The following PID1 variants were observed in gnomAD, a reference collection of about 807,000 sequenced individuals.
PID1 encodes the protein phosphotyrosine interaction domain containing 1.
Under a neutral mutation model 19.1 loss-of-function variants are expected in PID1, and 10 were observed. The ratio of observed to expected loss-of-function variants is 0.52; its 90% confidence interval spans 0.32 to 0.89. PID1 has a LOEUF of 0.89. Among genes scored for constraint, PID1 ranks in the 40% least tolerant of loss-of-function variants. PID1 has a pLI of 0.03. For synonymous variants in PID1, 130 were observed against 116.0 expected (o/e 1.12, Z -0.78); for missense variants, 248 against 285.3 (o/e 0.87, Z 0.94).
chr2:229,121,325 G>T (rs538684573), intron 2 of PID1, among the ~76,000 whole-genome samples: 47 of 152,104 alleles, frequency 3.1e-4, no homozygotes, highest in Admixed American at 1.2e-3. Flanking sequence ...TTATAATTAT[G>T]ATATAATCCT....
At chr2:229,202,426 C>T (rs1691517633) in intron 1 of PID1, among the ~76,000 whole-genome samples, 1 of 151,938 alleles carries the variant, frequency 6.6e-6, no homozygotes, top group Admixed American at 6.6e-5. Context: ...CATGTCTGAC[C>T]TGAGTTATCA....
chr2:229,185,594 A>T (rs145150937), intron 1 of PID1, among the ~76,000 whole-genome samples: 7 of 152,316 alleles, frequency 4.6e-5, no homozygotes, highest in African/African-American at 1.4e-4. Context: ...GCAGGCATTC[A>T]TGTAAAGAGA....
At chr2:229,033,557 C>A (rs551172386) in intron 2 of PID1, among the ~76,000 whole-genome samples, 3 of 152,134 alleles carry the variant, frequency 2.0e-5, no homozygotes, top group African/African-American at 4.8e-5. Context: ...GGAGGGAGAG[C>A]ATTAGGAGAA....
chr2:229,154,538 C>T (rs575216338), intron 2 of PID1, among the ~76,000 whole-genome samples: 1 of 152,254 alleles, frequency 6.6e-6, no homozygotes, highest in Middle Eastern at 3.4e-3. Context: ...GACACTATGC[C>T]GGTCAGACAG....
chr2:229,045,787 A>G (rs1319700982), intron 2 of PID1, among the ~76,000 whole-genome samples: 2 of 152,216 alleles, frequency 1.3e-5, no homozygotes, highest in African/African-American at 2.4e-5. Flanking sequence ...CCTGCCCAGC[A>G]CACTGTCACG....
intron 2 of PID1, among the ~76,000 whole-genome samples, chr2:229,081,730 A>C (rs1357962548): frequency 1.3e-5 from 2 of 152,234 alleles, no homozygotes; most frequent in African/African-American, 4.8e-5. Flanking sequence ...CATCAAGGGA[A>C]GCCAAGGAGT....
intron 2 of PID1, among the ~76,000 whole-genome samples, chr2:229,034,714 G>C (rs539931448): frequency 6.6e-6 from 1 of 151,856 alleles, no homozygotes; most frequent in South Asian, 2.1e-4. Flanking sequence ...ACTTCAAAAG[G>C]GCCAAGGAAA....
intron 1 of PID1, among the ~76,000 whole-genome samples, chr2:229,200,497 T>G (rs1459585543): frequency 6.6e-6 from 1 of 152,018 alleles, no homozygotes; most frequent in Non-Finnish European, 1.5e-5. Flanking sequence ...AATCTCCATG[T>G]ATCATATATC....
At chr2:229,255,809 T>A (rs1228097176) in intron 1 of PID1, among the ~76,000 whole-genome samples, 1 of 152,100 alleles carries the variant, frequency 6.6e-6, no homozygotes, top group Non-Finnish European at 1.5e-5. Flanking sequence ...GCCCCAACAC[T>A]TCTAGTTTCT....
chr2:229,242,343 G>A (rs1241926732), intron 1 of PID1, among the ~76,000 whole-genome samples: 2 of 152,138 alleles, frequency 1.3e-5, no homozygotes, highest in Non-Finnish European at 2.9e-5. Context: ...AATAAGAACT[G>A]CATGTCCACA....
chr2:229,181,543 C>G (rs1313255814), intron 1 of PID1, among the ~76,000 whole-genome samples: 1 of 152,178 alleles, frequency 6.6e-6, no homozygotes, highest in East Asian at 1.9e-4. Context: ...ATACATAATA[C>G]AAGATGACAG....
At chr2:229,151,823 G>A (rs915506865) in intron 2 of PID1, among the ~76,000 whole-genome samples, 1 of 152,124 alleles carries the variant, frequency 6.6e-6, no homozygotes, top group Non-Finnish European at 1.5e-5. Flanking sequence ...GCCCGCCTCG[G>A]CCTCCCAAAG....
At chr2:229,151,829 C>T (rs1690261947) in intron 2 of PID1, among the ~76,000 whole-genome samples, 4 of 152,180 alleles carry the variant, frequency 2.6e-5, no homozygotes, top group Admixed American at 2.6e-4. Flanking sequence ...CTCGGCCTCC[C>T]AAAGTGCTGG....
At chr2:229,163,540 T>A (rs377463029) in intron 1 of PID1, among the ~76,000 whole-genome samples, 1 of 151,838 alleles carries the variant, frequency 6.6e-6, no homozygotes, top group Admixed American at 6.6e-5. Context: ...CAAGTGATTA[T>A]GTGGGAGAGG....
At chr2:229,250,489 T>A (rs561383981) in intron 1 of PID1, among the ~76,000 whole-genome samples, 30 of 152,352 alleles carry the variant, frequency 2.0e-4, no homozygotes, top group South Asian at 1.4e-3. Flanking sequence ...GCACAAAGGT[T>A]CTACGGCAAA....
intron 1 of PID1, among the ~76,000 whole-genome samples, chr2:229,201,182 G>C (rs189251513): frequency 6.6e-6 from 1 of 151,954 alleles, no homozygotes; most frequent in African/African-American, 2.4e-5. Flanking sequence ...GTGGTATTAA[G>C]TACATTCAAA....
At chr2:229,068,403 T>C (rs1292592215) in intron 2 of PID1, among the ~76,000 whole-genome samples, 2 of 151,866 alleles carry the variant, frequency 1.3e-5, no homozygotes, top group Non-Finnish European at 2.9e-5. Context: ...CTTACAAAAG[T>C]AGACTGTCCG....
At chr2:229,078,039 A>C (rs909600358) in intron 2 of PID1, among the ~76,000 whole-genome samples, 1 of 152,154 alleles carries the variant, frequency 6.6e-6, no homozygotes, top group Non-Finnish European at 1.5e-5. Context: ...ATGTGCATGG[A>C]ATGTTATTCC....
chr2:229,246,231 C>G (rs566964492), intron 1 of PID1, among the ~76,000 whole-genome samples: 2 of 152,236 alleles, frequency 1.3e-5, no homozygotes, highest in South Asian at 2.1e-4. Flanking sequence ...ATACAGCCAG[C>G]CTACCAGAAG....
Sources: gnomAD v4.1 joint callset for allele counts (sites outside exome capture counted in the v4.1 genomes callset) on GRCh38, gnomAD v4.1.1 for gene constraint, MANE v1.5 for transcripts, NCBI Gene and HGNC (gene_info 2026-07-23, HGNC 2026-07-21) for gene names.